Variants in C12orf50 observed in about 807,000 individuals in gnomAD.
C12orf50 encodes zinc finger CCCH-type containing 11D.
Under a neutral mutation model 61.6 loss-of-function variants are expected in C12orf50, and 35 were observed. The ratio of observed to expected loss-of-function variants is 0.57; its 90% CI spans 0.43 to 0.75. The LOEUF is 0.75. Ranked by LOEUF, C12orf50 falls within the 30% of genes least tolerant of loss-of-function variation. The pLI is 0.00. For missense variants in C12orf50, 475 were observed against 488.5 expected (o/e 0.97, Z 0.26); for synonymous variants, 178 against 161.5 (o/e 1.10, Z -0.77).
intron 3 of C12orf50, among the ~76,000 whole-genome samples, chr12:88,023,421 T>G (rs2032590633): frequency 6.6e-6 from 1 of 151,614 alleles, no homozygotes; most frequent in Non-Finnish European, 1.5e-5. Context: ...ATCCCAGCAC[T>G]TTGGGAGGTT....
At chr12:87,995,156 C>G (rs1283670095) in intron 6 of C12orf50, among the ~76,000 whole-genome samples, 1 of 152,056 alleles carries the variant, frequency 6.6e-6, no homozygotes, top group South Asian at 2.1e-4. Context: ...TTAAATAATA[C>G]TCTCAGCTTT....
At chr12:88,019,105 T>C (rs2032419679) in intron 3 of C12orf50, among the ~76,000 whole-genome samples, 1 of 152,112 alleles carries the variant, frequency 6.6e-6, no homozygotes, top group Non-Finnish European at 1.5e-5. Context: ...GGTTTGGCTC[T>C]TTCCCCACCC....
At chr12:88,018,621 C>T (rs2032399540) in intron 3 of C12orf50, among the ~76,000 whole-genome samples, 1 of 152,242 alleles carries the variant, frequency 6.6e-6, no homozygotes, top group African/African-American at 2.4e-5. Flanking sequence ...GGAAAAGCCA[C>T]AGACACTTAA....
chr12:87,986,179 A>T, intron 10 of C12orf50, 126 bp from the exon 11 acceptor site: 1 of 1,272,242 alleles, frequency 7.9e-7, no homozygotes, highest in Non-Finnish European at 1.1e-6. Context: ...AATTAAGTTT[A>T]GAGAAGTTGA....
At chr12:88,000,053 T>C (rs2031588192) in intron 3 of C12orf50, among the ~76,000 whole-genome samples, 1 of 152,084 alleles carries the variant, frequency 6.6e-6, no homozygotes, top group Admixed American at 6.6e-5. Flanking sequence ...TAACTGTTAA[T>C]GAATGTGAGT....
intron 3 of C12orf50, 107 bp downstream of exon 3, chr12:88,026,381 A>C (rs1285124227): frequency 7.7e-7 from 1 of 1,291,564 alleles, no homozygotes; most frequent in Non-Finnish European, 1.1e-6. Context: ...TGGCTATTAA[A>C]TTGCATTGCT....
At position 87,986,332 on chromosome 12, in the gene C12orf50, G is replaced by C; in HGVS notation, c.902C>G (p.Pro301Arg). ...CTTACCTCTCTGCATTCCAGAGTTA[G>C]GAAAGTTCTGTGGTTCATCATAAAT... ...KWIYDEPQNFPNSGMQRAVQA... is the reference protein window; with the variant it reads ...KWIYDEPQNFRNSGMQRAVQA... The change falls in exon 10 of 13, where the codon CCT becomes CGT. Residue 301 changes from proline to arginine, a missense_variant. By Grantham distance (103) the Pro-to-Arg change is moderately radical. Coordinates refer to ENST00000298699, the MANE Select transcript of C12orf50 (RefSeq NM_152589.3). 1 of 1,605,610 alleles carries C rather than the reference G, an allele frequency of 6.2e-7. No individual in the cohort carries two copies. The highest frequency in any genetic ancestry group is 8.5e-7 in the Non-Finnish European group (1 of 1,175,944).
At chr12:87,985,812 C>A (rs773906807) in intron 11 of C12orf50, 38 bp downstream of exon 11, 1 of 1,602,410 alleles carries the variant, frequency 6.2e-7, no homozygotes. Flanking sequence ...GAATGCAAAC[C>A]ACAGACAAGA....
chr12:87,990,599 T>A (rs148102433), intron 7 of C12orf50, among the ~76,000 whole-genome samples: 2 of 152,040 alleles, frequency 1.3e-5, no homozygotes, highest in African/African-American at 4.8e-5. Flanking sequence ...GGACACAAAG[T>A]CAATTGTATG....
At chr12:88,015,303 C>T (rs764885251) in intron 3 of C12orf50, among the ~76,000 whole-genome samples, 2 of 152,162 alleles carry the variant, frequency 1.3e-5, no homozygotes, top group African/African-American at 2.4e-5. Context: ...AATTTATTAG[C>T]AAGTGGCTTT....
intron 3 of C12orf50, among the ~76,000 whole-genome samples, chr12:88,008,471 T>G (rs1195983829): frequency 6.6e-6 from 1 of 152,208 alleles, no homozygotes; most frequent in Admixed American, 6.5e-5. Flanking sequence ...CAGTCTATCA[T>G]TGTTGGGCAT....
At chr12:88,024,346 C>G (rs2032625287) in intron 3 of C12orf50, among the ~76,000 whole-genome samples, 1 of 152,150 alleles carries the variant, frequency 6.6e-6, no homozygotes, top group South Asian at 2.1e-4. Flanking sequence ...CATCACAGCA[C>G]TATTCACAAT....
intron 3 of C12orf50, among the ~76,000 whole-genome samples, chr12:88,021,897 G>A (rs575831790): frequency 7.9e-5 from 12 of 152,068 alleles, no homozygotes; most frequent in African/African-American, 2.4e-4. Flanking sequence ...ATTCATAGCC[G>A]AGTTATATCA....
At chr12:87,988,010 T>C in intron 8 of C12orf50, 44 bp from the exon 9 acceptor site, 1 of 1,304,572 alleles carries the variant, frequency 7.7e-7, no homozygotes, top group Non-Finnish European at 1.1e-6. Context: ...TATTAGTTTT[T>C]AAAAAAAGCA....
intron 1 of C12orf50, chr12:88,028,950 G>T (rs2032802140): frequency 2.6e-6 from 1 of 390,128 alleles, no homozygotes; most frequent in Non-Finnish European, 4.1e-6. Flanking sequence ...ACAAATATAA[G>T]ATATCTTGCA....
At chr12:88,014,458 C>G (rs1422081543) in intron 3 of C12orf50, among the ~76,000 whole-genome samples, 1 of 151,988 alleles carries the variant, frequency 6.6e-6, no homozygotes, top group South Asian at 2.1e-4. Context: ...TCTGCCACTA[C>G]GTCCGGCTAA....
chr12:88,004,118 GTA>G (rs146527272), intron 3 of C12orf50, among the ~76,000 whole-genome samples: 4,253 of 151,788 alleles, frequency 0.028, 211 homozygotes, highest in African/African-American at 0.096. Flanking sequence ...GGGTTTTTTC[GTA>G]GTTTTTACCC....
At chr12:88,005,958 C>T (rs2031857802) in intron 3 of C12orf50, among the ~76,000 whole-genome samples, 1 of 146,486 alleles carries the variant, frequency 6.8e-6, no homozygotes, top group Admixed American at 6.8e-5. Context: ...GCTCAGTCGC[C>T]CAGGCTGGAG....
At chr12:88,023,187 T>C (rs1320509539) in intron 3 of C12orf50, among the ~76,000 whole-genome samples, 1 of 151,622 alleles carries the variant, frequency 6.6e-6, no homozygotes, top group Non-Finnish European at 1.5e-5. Context: ...GAATAGAAAG[T>C]CTAGAAATAA....
Sources: allele counts gnomAD v4.1 joint callset (sites outside exome capture counted in the v4.1 genomes callset), GRCh38; gene constraint gnomAD v4.1.1; transcripts MANE v1.5; gene names NCBI Gene and HGNC (gene_info 2026-07-23, HGNC 2026-07-21).